ELAVL2: variants seen among roughly 807,000 people sequenced by gnomAD.
The protein encoded by ELAVL2 is ELAV-like protein 2.
In ELAVL2, 4 loss-of-function variants were observed where a neutral mutation model predicts 34.6. The observed-to-expected ratio is 0.12, with a 90% CI of 0.06 to 0.26. The LOEUF (loss-of-function observed/expected upper bound fraction) is 0.26, where lower values mean the gene tolerates loss of function less well. Ranked by LOEUF, ELAVL2 falls within the 10% of genes least tolerant of loss-of-function variation. The pLI, the probability that ELAVL2 is intolerant of heterozygous loss-of-function variation, is 1.00. For synonymous variants in ELAVL2, 193 were observed against 154.8 expected (o/e 1.25, Z -1.83); for missense variants, 432 against 442.8 (o/e 0.98, Z 0.22).
intron 1 of ELAVL2, among the ~76,000 whole-genome samples, chr9:23,773,056 T>C (rs993783662): frequency 2.0e-5 from 3 of 152,040 alleles, no homozygotes; most frequent in Non-Finnish European, 4.4e-5. Flanking sequence ...ATTTACTACA[T>C]TTCAAGAAAA....
At chr9:23,840,946 C>T in the ELAVL2 span, among the ~76,000 whole-genome samples, 2,286 of 152,182 alleles carry the variant, frequency 0.015, 58 homozygotes, top group African/African-American at 0.052. Context: ...AAAATATACA[C>T]GTTGGACTGA....
intron 2 of ELAVL2, among the ~76,000 whole-genome samples, chr9:23,758,655 C>G (rs2054151454): frequency 6.6e-6 from 1 of 152,066 alleles, no homozygotes; most frequent in Non-Finnish European, 1.5e-5. Context: ...ATTTCAAAAG[C>G]TTTTATAGCA....
chr9:23,700,164 TTAAC>T (rs1373962018), intron 5 of ELAVL2, among the ~76,000 whole-genome samples: 1 of 152,206 alleles, frequency 6.6e-6, no homozygotes, highest in African/African-American at 2.4e-5. Context: ...TTTTTGGTAA[TTAAC>T]TATTCTGTCC....
intron 1 of ELAVL2, among the ~76,000 whole-genome samples, chr9:23,764,742 A>G (rs2055847085): frequency 6.6e-6 from 1 of 152,116 alleles, no homozygotes; most frequent in African/African-American, 2.4e-5. Flanking sequence ...TTTTTTAAAA[A>G]AGCTTGTCAC....
intron 4 of ELAVL2, among the ~76,000 whole-genome samples, chr9:23,701,828 T>C (rs367860625): frequency 6.6e-6 from 1 of 152,178 alleles, no homozygotes; most frequent in East Asian, 1.9e-4. Context: ...ACTTACATAA[T>C]CTGAGTACCC....
In ELAVL2 at chr9:23,709,575, G is replaced by C. The variant is rs545820598; in HGVS notation, c.334-4504C>G. 5.3e-5 allele frequency among the ~76,000 whole-genome samples: 8 copies of C among 152,100 alleles called. No homozygotes were observed. The South Asian group carries it at 1.7e-3, about 32-fold the overall frequency. On this transcript the variant is annotated intron_variant, in intron 3 of 6. Transcript: ENST00000397312. ...TGGTTCTACAAGACTAAACTCCCTT[G>C]AAGGCCCAAAAGAGTTCGCTTTAAA... is the stretch of plus-strand genomic sequence containing the variant.
intron 1 of ELAVL2, among the ~76,000 whole-genome samples, chr9:23,822,428 G>A (rs1349755934): frequency 6.6e-6 from 1 of 152,076 alleles, no homozygotes; most frequent in Non-Finnish European, 1.5e-5. Flanking sequence ...CTATGCAAAC[G>A]CTTGCCGCTA....
rs1248960465 is a variant in ELAVL2 at position 23,762,316 on chromosome 9, G to C, written c.-15-67C>G. 3 of 1,552,196 alleles carry C rather than the reference G, an allele frequency of 1.9e-6. No individual in the cohort carries two copies. In the Admixed American group the frequency reaches 5.7e-5, roughly 30 times the overall value. ...ACAACCTATTAGAGACTCCATCCAAGAATTTAAACACTTGTCACTAAACAC... is the reference window on the plus strand; with the variant it reads ...ACAACCTATTAGAGACTCCATCCAACAATTTAAACACTTGTCACTAAACAC... On this transcript the variant is annotated intron_variant, in intron 1 of 6. Transcript: ENST00000397312.
the ELAVL2 span, among the ~76,000 whole-genome samples, chr9:23,832,496 T>C: frequency 6.6e-6 from 1 of 152,232 alleles, no homozygotes; most frequent in Non-Finnish European, 1.5e-5. Flanking sequence ...ATATATGTAA[T>C]GACCAGCATA....
intron 3 of ELAVL2, among the ~76,000 whole-genome samples, chr9:23,718,811 C>A (rs1446507684): frequency 1.3e-5 from 2 of 152,110 alleles, no homozygotes; most frequent in African/African-American, 2.4e-5. Context: ...AGAGAATAAC[C>A]ATAGGGAAAG....
chr9:23,759,007 A>G (rs1435173361), intron 2 of ELAVL2, among the ~76,000 whole-genome samples: 1 of 152,066 alleles, frequency 6.6e-6, no homozygotes, highest in Non-Finnish European at 1.5e-5. Flanking sequence ...AAATGGTATG[A>G]AAGTTCCTCA....
intron 1 of ELAVL2, among the ~76,000 whole-genome samples, chr9:23,802,266 G>A (rs2061653274): frequency 6.6e-6 from 1 of 152,078 alleles, no homozygotes; most frequent in Non-Finnish European, 1.5e-5. Context: ...TTATAGAAAG[G>A]GTCAAGAGCG....
At position 23,705,076 on chromosome 9, in the gene ELAVL2, A is replaced by G; in HGVS notation, c.334-5T>C. On this transcript the variant is annotated splice_region_variant and splice_polypyrimidine_tract_variant and intron_variant, in intron 3 of 6. Coordinates refer to ENST00000397312, the MANE Select transcript of ELAVL2 (RefSeq NM_004432.5). ...ACTTGGGCGAGCATAGGAAACCTGGAAAAGGAAAATAAAATTAAATGTATA... is the reference window on the plus strand; with the variant it reads ...ACTTGGGCGAGCATAGGAAACCTGGGAAAGGAAAATAAAATTAAATGTATA... The G allele has an allele frequency of 1.9e-6, 3 of 1,613,924 alleles. No homozygotes were observed. The highest frequency in any genetic ancestry group is 2.5e-6 in the Non-Finnish European group (3 of 1,179,954).
chr9:23,737,420 T>C (rs2048155655), intron 2 of ELAVL2, among the ~76,000 whole-genome samples: 1 of 152,344 alleles, frequency 6.6e-6, no homozygotes, highest in South Asian at 2.1e-4. Flanking sequence ...AAATTGTTCA[T>C]ACGAAAAATT....
At chr9:23,831,624 T>C in the ELAVL2 span, 1 of 152,256 alleles carries the variant, frequency 6.6e-6, no homozygotes, top group Non-Finnish European at 1.5e-5. Context: ...AACTTCACGC[T>C]TGATAAGGCC....
chr9:23,731,451 G>C (rs894706409), intron 2 of ELAVL2, among the ~76,000 whole-genome samples: 7 of 152,110 alleles, frequency 4.6e-5, no homozygotes, highest in Admixed American at 2.0e-4. Context: ...ATAAATCTCT[G>C]TGCTATGGAG....
At chr9:23,794,628 C>T (rs952104416) in intron 1 of ELAVL2, among the ~76,000 whole-genome samples, 1 of 152,174 alleles carries the variant, frequency 6.6e-6, no homozygotes, top group South Asian at 2.1e-4. Flanking sequence ...CAAATAACTA[C>T]ATTAGTCAAA....
intron 2 of ELAVL2, among the ~76,000 whole-genome samples, chr9:23,751,984 T>C (rs993911007): frequency 1.3e-5 from 2 of 152,166 alleles, no homozygotes; most frequent in African/African-American, 4.8e-5. Context: ...TCAAATCACC[T>C]AGAAAGCAAA....
chr9:23,798,621 T>C lies in ELAVL2; in HGVS notation c.-16+27185A>G, dbSNP rs543195755. On this transcript the variant is annotated intron_variant, in intron 1 of 6. Transcript: ENST00000397312. ...TGATAAATGTTACTGTAACATTTCA[T>C]ATAAAGTATCAGAATATGGATTCTG... is the stretch of plus-strand genomic sequence containing the variant. 2.0e-3 allele frequency among the ~76,000 whole-genome samples: 306 copies of C among 152,292 alleles called. 1 individual carries two copies. Among genetic ancestry groups the C allele is most frequent in the African/African-American group, 6.5e-3 (269 of 41,570 alleles).
Sources: allele counts gnomAD v4.1 joint callset (sites outside exome capture counted in the v4.1 genomes callset), GRCh38; gene constraint gnomAD v4.1.1; transcripts MANE v1.5; gene names NCBI Gene and HGNC (gene_info 2026-07-23, HGNC 2026-07-21).